The following ZFAND3 variants were observed in gnomAD, a reference collection of about 807,000 sequenced individuals.
ZFAND3 encodes the protein AN1-type zinc finger protein 3.
ZFAND3 carries 10 observed loss-of-function variants against 29.6 expected under a neutral mutation model. That is an observed-to-expected ratio of 0.34 (90% CI 0.21 to 0.57). The LOEUF is 0.57. ZFAND3 is among the 20% of genes least tolerant of loss of function. ZFAND3 has a pLI of 0.86. For missense variants in ZFAND3, 230 were observed against 304.5 expected, an observed-to-expected ratio of 0.76 and a Z score of 1.82; for synonymous variants, 128 against 112.6, an observed-to-expected ratio of 1.14 and a Z score of -0.87.
intron 2 of ZFAND3, among the ~76,000 whole-genome samples, chr6:37,944,956 A>G (rs2127418427): frequency 6.6e-6 from 1 of 152,330 alleles, no homozygotes; most frequent in Non-Finnish European, 1.5e-5. Context: ...TCTTTAATCA[A>G]GGGGTGGAGT....
intron 2 of ZFAND3, among the ~76,000 whole-genome samples, chr6:37,947,594 T>TC (rs1401259801): frequency 1.3e-5 from 2 of 152,186 alleles, no homozygotes; most frequent in Admixed American, 6.5e-5. Context: ...CCCTTTCTAC[T>TC]CCAAGTTTCC....
chr6:38,102,104 CTCT>C (rs1296920851), intron 4 of ZFAND3, among the ~76,000 whole-genome samples: 1 of 152,042 alleles, frequency 6.6e-6, no homozygotes, highest in Non-Finnish European at 1.5e-5. Flanking sequence ...CTTCCTCCTC[CTCT>C]TCTTCCTCCT....
chr6:37,874,406 T>G (rs1280022152), intron 1 of ZFAND3, among the ~76,000 whole-genome samples: 1 of 149,404 alleles, frequency 6.7e-6, no homozygotes, highest in African/African-American at 2.5e-5. Flanking sequence ...TCCCAGCTAC[T>G]CAGGAGGCTG....
intron 1 of ZFAND3, among the ~76,000 whole-genome samples, chr6:37,823,755 G>A (rs1171250679): frequency 6.6e-6 from 1 of 151,888 alleles, no homozygotes; most frequent in Non-Finnish European, 1.5e-5. Flanking sequence ...TGATGATAAA[G>A]TTGCAAGTTG....
In ZFAND3 at chr6:38,152,435, G is replaced by A; in HGVS notation, c.*46G>A. 2.0e-6 allele frequency: 3 copies of A among 1,498,140 alleles called. No homozygotes were observed. The highest frequency in any genetic ancestry group is 2.7e-6 in the Non-Finnish European group (3 of 1,123,916). The allele number at this position is 1,498,140 out of a possible 1,614,324, so 92.8% of individuals were successfully genotyped here. ...GTGACGCTGTTCTTAGTTCACTAATGTTAGCCTTATTTAGGACAAAGTCAG... is the reference window on the plus strand; with the variant it reads ...GTGACGCTGTTCTTAGTTCACTAATATTAGCCTTATTTAGGACAAAGTCAG... On this transcript the variant is annotated 3_prime_UTR_variant, in exon 6 of 6. Coordinates refer to ENST00000287218, the MANE Select transcript of ZFAND3 (RefSeq NM_021943.3).
chr6:37,927,505 A>G lies in ZFAND3; in HGVS notation c.72-2454A>G, dbSNP rs142670686. ...TTCCAACAATAGAGAATGTTCTGCA[A>G]ACTACAGATGTGTGTATACTGCATC... On this transcript the variant is annotated intron_variant, in intron 1 of 5. Transcript: ENST00000287218. Among the ~76,000 whole-genome samples, 42 of 152,332 alleles carry G rather than the reference A, an allele frequency of 2.8e-4. No homozygotes were observed. The East Asian group carries it at 7.1e-3, about 26-fold the overall frequency.
intron 5 of ZFAND3, among the ~76,000 whole-genome samples, chr6:38,124,282 T>C (rs1581938326): frequency 6.6e-6 from 1 of 152,262 alleles, no homozygotes; most frequent in South Asian, 2.1e-4. Context: ...GATACCGCAC[T>C]GGAGCCGCAG....
intron 1 of ZFAND3, among the ~76,000 whole-genome samples, chr6:37,834,745 T>C (rs1763932780): frequency 6.9e-6 from 1 of 145,406 alleles, no homozygotes; most frequent in Non-Finnish European, 1.5e-5. Context: ...CATATATCAT[T>C]ATGCATATAT....
intron 5 of ZFAND3, among the ~76,000 whole-genome samples, chr6:38,146,743 G>A (rs1766117598): frequency 6.6e-6 from 1 of 152,102 alleles, no homozygotes; most frequent in Non-Finnish European, 1.5e-5. Flanking sequence ...TTTTTGGGGG[G>A]TGAGCATCCT....
At chr6:38,128,334 TA>T (rs1393732410) in intron 5 of ZFAND3, among the ~76,000 whole-genome samples, 1 of 152,214 alleles carries the variant, frequency 6.6e-6, no homozygotes, top group Non-Finnish European at 1.5e-5. Flanking sequence ...TCCCCTCTTT[TA>T]AAATTTTTAT....
At chr6:38,131,363 C>G (rs1475519057) in intron 5 of ZFAND3, among the ~76,000 whole-genome samples, 1 of 152,262 alleles carries the variant, frequency 6.6e-6, no homozygotes, top group Non-Finnish European at 1.5e-5. Context: ...AGGAGTACTT[C>G]TAAGAAGTGT....
At chr6:38,007,563 A>C (rs1292893862) in intron 2 of ZFAND3, among the ~76,000 whole-genome samples, 3 of 152,074 alleles carry the variant, frequency 2.0e-5, no homozygotes, top group African/African-American at 7.2e-5. Context: ...AAAAAAGATC[A>C]CTTAGTTCGT....
At chr6:38,139,424 G>A (rs1220817758) in intron 5 of ZFAND3, among the ~76,000 whole-genome samples, 1 of 152,132 alleles carries the variant, frequency 6.6e-6, no homozygotes, top group Non-Finnish European at 1.5e-5. Flanking sequence ...ATTGTGACTA[G>A]TGATTGAAGG....
chr6:37,908,743 G>GAAAAA (rs202057469), intron 1 of ZFAND3, among the ~76,000 whole-genome samples: 79 of 97,258 alleles, frequency 8.1e-4, no homozygotes, highest in African/African-American at 2.7e-3. Context: ...AATTTTCAAA[G>GAAAAA]AAAAAAAAAA....
intron 1 of ZFAND3, among the ~76,000 whole-genome samples, chr6:37,872,662 GC>G (rs1006328870): frequency 4.6e-5 from 7 of 151,972 alleles, no homozygotes; most frequent in Admixed American, 2.6e-4. Context: ...TTTTTGTTTG[GC>G]TTTCATCTTT....
chr6:37,900,813 G>A (rs909731587), intron 1 of ZFAND3, among the ~76,000 whole-genome samples: 4 of 152,120 alleles, frequency 2.6e-5, no homozygotes, highest in East Asian at 3.8e-4. Context: ...ATAAAAATAT[G>A]TTGGCAGGCT....
intron 4 of ZFAND3, among the ~76,000 whole-genome samples, chr6:38,094,193 T>A (rs1274941056): frequency 6.6e-6 from 1 of 152,054 alleles, no homozygotes; most frequent in East Asian, 1.9e-4. Flanking sequence ...GCTGAGGGTA[T>A]AAGGAAGGAA....
intron 2 of ZFAND3, among the ~76,000 whole-genome samples, chr6:38,037,229 A>G (rs1763676626): frequency 6.6e-6 from 1 of 152,236 alleles, no homozygotes; most frequent in Non-Finnish European, 1.5e-5. Flanking sequence ...ACACAACGTA[A>G]CATAACAGGC....
chr6:38,050,210 C>A (rs902722024), intron 2 of ZFAND3, among the ~76,000 whole-genome samples: 1 of 151,922 alleles, frequency 6.6e-6, no homozygotes, highest in East Asian at 1.9e-4. Flanking sequence ...CCACCTCGGC[C>A]TTCCAAAGTG....
Sources: allele counts gnomAD v4.1 joint callset (sites outside exome capture counted in the v4.1 genomes callset), GRCh38; gene constraint gnomAD v4.1.1; transcripts MANE v1.5; gene names NCBI Gene and HGNC (gene_info 2026-07-23, HGNC 2026-07-21).